The following CEP128 variants were observed in gnomAD, a reference collection of about 807,000 sequenced individuals.
The protein encoded by CEP128 is centrosomal protein 128kDa.
Under a neutral mutation model 156.7 loss-of-function variants are expected in CEP128, and 132 were observed. That is an observed-to-expected ratio of 0.84 (90% CI 0.73 to 0.97). The LOEUF is 0.97. Ranked by LOEUF, CEP128 falls within the 50% of genes least tolerant of loss-of-function variation. The pLI is 0.00. For missense variants in CEP128, 1,252 were observed against 1,281.9 expected, an observed-to-expected ratio of 0.98 and a Z score of 0.36; for synonymous variants, 469 against 448.9, an observed-to-expected ratio of 1.04 and a Z score of -0.57.
chr14:80,613,470 T>A (rs1344956829), intron 19 of CEP128, among the ~76,000 whole-genome samples: 1 of 108,192 alleles, frequency 9.2e-6, no homozygotes, highest in South Asian at 2.7e-4. Context: ...GGCTGGCTAA[T>A]TTTTTTTTTT....
chr14:80,944,738 C>G (rs11846509), upstream of CEP128, among the ~76,000 whole-genome samples: 5 of 140,736 alleles, frequency 3.6e-5, no homozygotes, highest in Non-Finnish European at 7.6e-5. Context: ...AGGAGAACGG[C>G]GTAAACCCGG....
chr14:80,643,875 A>C (rs1335527684), intron 19 of CEP128, among the ~76,000 whole-genome samples: 12 of 152,148 alleles, frequency 7.9e-5, no homozygotes, highest in Admixed American at 6.5e-4. Flanking sequence ...TGAACTCCCA[A>C]ATTTCATGTC....
intron 21 of CEP128, among the ~76,000 whole-genome samples, chr14:80,557,569 G>T (rs532128838): frequency 2.6e-4 from 40 of 152,142 alleles, no homozygotes; most frequent in Non-Finnish European, 4.0e-4. Flanking sequence ...CTAAGGGTAA[G>T]TAAAATATAT....
At chr14:80,937,765 T>C (rs1885894619) in intron 2 of CEP128, among the ~76,000 whole-genome samples, 1 of 152,228 alleles carries the variant, frequency 6.6e-6, no homozygotes, top group Admixed American at 6.5e-5. Flanking sequence ...GGATAGTGTA[T>C]TCTATAATAT....
At chr14:80,488,046 T>TA (rs1174432719), downstream of CEP128, among the ~76,000 whole-genome samples, 1 of 147,876 alleles carries the variant, frequency 6.8e-6, no homozygotes, top group Non-Finnish European at 1.5e-5. Flanking sequence ...CTGAAGGAAA[T>TA]AGAGACACAA....
intron 19 of CEP128, among the ~76,000 whole-genome samples, chr14:80,621,156 A>G (rs1893461579): frequency 6.6e-6 from 1 of 152,162 alleles, no homozygotes; most frequent in South Asian, 2.1e-4. Context: ...TGATTTCTGT[A>G]TATGTTTAAA....
chr14:80,487,507 A>C (rs1423889783), downstream of CEP128, among the ~76,000 whole-genome samples: 3 of 152,228 alleles, frequency 2.0e-5, no homozygotes, highest in Admixed American at 6.5e-5. Flanking sequence ...AATTGAACTC[A>C]GCTCTGCACC....
intron 20 of CEP128, 91 bp from the exon 21 acceptor site, chr14:80,559,393 CTAT>C (rs1890575026): frequency 2.0e-6 from 2 of 978,134 alleles, no homozygotes; most frequent in African/African-American, 1.7e-5. Context: ...TATTTACCAT[CTAT>C]TATTAATAAT....
intron 16 of CEP128, among the ~76,000 whole-genome samples, chr14:80,771,379 T>C (rs1337953131): frequency 6.6e-6 from 1 of 152,210 alleles, no homozygotes; most frequent in African/African-American, 2.4e-5. Flanking sequence ...CACTATATTC[T>C]CTCAACTTCA....
At chr14:80,946,247 A>G (rs945770053), upstream of CEP128, among the ~76,000 whole-genome samples, 3 of 151,724 alleles carry the variant, frequency 2.0e-5, no homozygotes, top group South Asian at 6.2e-4. Flanking sequence ...TGTTAGTTCC[A>G]TGAATATTGG....
intron 17 of CEP128, among the ~76,000 whole-genome samples, chr14:80,759,336 T>C (rs1007366345): frequency 6.6e-6 from 1 of 152,224 alleles, no homozygotes; most frequent in Non-Finnish European, 1.5e-5. Context: ...TTACATACAA[T>C]GGCTGAAAAT....
chr14:80,874,900 G>C (rs1221211792), intron 8 of CEP128, among the ~76,000 whole-genome samples: 2 of 152,246 alleles, frequency 1.3e-5, no homozygotes, highest in South Asian at 2.1e-4. Context: ...TTACAGGCGT[G>C]AGCCACCGCG....
chr14:80,935,748 G>A (rs1885768185), intron 2 of CEP128, among the ~76,000 whole-genome samples: 1 of 150,872 alleles, frequency 6.6e-6, no homozygotes, highest in Non-Finnish European at 1.5e-5. Flanking sequence ...AGTGGTGGTG[G>A]TGGTCATCAT....
At chr14:80,876,551 C>T (rs985589978) in intron 8 of CEP128, among the ~76,000 whole-genome samples, 4 of 150,372 alleles carry the variant, frequency 2.7e-5, no homozygotes, top group African/African-American at 7.4e-5. Flanking sequence ...GAGTCGAGAT[C>T]GTGCCACTGC....
chr14:80,550,492 A>G (rs1377769237), intron 21 of CEP128, among the ~76,000 whole-genome samples: 2 of 152,060 alleles, frequency 1.3e-5, no homozygotes, highest in African/African-American at 4.8e-5. Flanking sequence ...ACTTTAAATA[A>G]CTCAGTAATT....
At chr14:80,868,613 CAATT>C (rs1887884947) in intron 8 of CEP128, among the ~76,000 whole-genome samples, 1 of 151,826 alleles carries the variant, frequency 6.6e-6, no homozygotes, top group Non-Finnish European at 1.5e-5. Flanking sequence ...ATTCAGAAAA[CAATT>C]AAGAAAACGG....
chr14:80,662,451 A>T (rs1308840776), intron 19 of CEP128, among the ~76,000 whole-genome samples: 1 of 152,144 alleles, frequency 6.6e-6, no homozygotes, highest in Non-Finnish European at 1.5e-5. Flanking sequence ...ATTATTACTC[A>T]CTGTGACCCT....
intron 19 of CEP128, among the ~76,000 whole-genome samples, chr14:80,614,122 C>CA (rs1298186104): frequency 6.6e-6 from 1 of 150,402 alleles, no homozygotes; most frequent in Non-Finnish European, 1.5e-5. Flanking sequence ...AAGCAAGATA[C>CA]AAAAAATATA....
intron 2 of CEP128, among the ~76,000 whole-genome samples, chr14:80,949,275 G>A (rs1260389802): frequency 6.6e-6 from 1 of 152,210 alleles, no homozygotes; most frequent in Non-Finnish European, 1.5e-5. Context: ...CCCAGGCAGA[G>A]TCCAGTGGAT....
Sources: gnomAD v4.1 joint callset for allele counts (sites outside exome capture counted in the v4.1 genomes callset) on GRCh38, gnomAD v4.1.1 for gene constraint, MANE v1.5 for transcripts, NCBI Gene and HGNC (gene_info 2026-07-23, HGNC 2026-07-21) for gene names.